KCNJ15: variants seen among roughly 807,000 people sequenced by gnomAD.
The protein encoded by KCNJ15 is potassium inwardly rectifying channel subfamily J member 15, also known as ATP-sensitive inward rectifier potassium channel 15.
Under a neutral mutation model 23.0 loss-of-function variants are expected in KCNJ15, and 14 were observed. The ratio of observed to expected loss-of-function variants is 0.61; its 90% confidence interval spans 0.40 to 0.95. KCNJ15 has a LOEUF of 0.95. Ranked by LOEUF, KCNJ15 falls within the 40% of genes least tolerant of loss-of-function variation. The probability of loss-of-function intolerance (pLI) is 0.00; values close to 1 mark genes in which losing one functional copy is unlikely to be tolerated. For missense variants in KCNJ15, 388 were observed against 461.8 expected, an observed-to-expected ratio of 0.84 and a Z score of 1.46; for synonymous variants, 185 against 183.2, an observed-to-expected ratio of 1.01 and a Z score of -0.08.
chr21:38,263,268 A>T (rs1981115053), intron 1 of KCNJ15, among the ~76,000 whole-genome samples: 1 of 152,114 alleles, frequency 6.6e-6, no homozygotes, highest in Non-Finnish European at 1.5e-5. Flanking sequence ...GAGTCAGGGG[A>T]CAGGGGTGAT....
rs567626362 is a variant in KCNJ15, at chr21:38,230,019, T to G, written c.-398-27027T>G. 2.1e-4 allele frequency among the ~76,000 whole-genome samples: 32 copies of G among 152,338 alleles called. No homozygotes were observed. In the East Asian group the frequency reaches 5.8e-3, roughly 28 times the overall value. ...GAACATTCATGCACAAATTTTTATG[T>G]GGAGGTATGTTTTTATTTCTCTTGG... On this transcript the variant is annotated intron_variant, in intron 1 of 4. Coordinates refer to the KCNJ15 transcript ENST00000547341.
At chr21:38,238,415 C>T (rs1978764417) in intron 1 of KCNJ15, 1 of 691,768 alleles carries the variant, frequency 1.4e-6, no homozygotes, top group South Asian at 1.4e-5. Flanking sequence ...GGAATGTAGA[C>T]AGGGTGGACG....
intron 1 of KCNJ15, among the ~76,000 whole-genome samples, chr21:38,278,419 A>G (rs1847761475): frequency 6.6e-6 from 1 of 152,190 alleles, no homozygotes. Context: ...TTTTACCAGC[A>G]TTACTCTGAA....
chr21:38,256,104 G>A (rs1980204797), upstream of KCNJ15, among the ~76,000 whole-genome samples: 1 of 152,054 alleles, frequency 6.6e-6, no homozygotes, highest in Non-Finnish European at 1.5e-5. Flanking sequence ...ATGAGCCTTG[G>A]ACGGGCCTCC....
rs754514580 is a variant in KCNJ15, at chr21:38,306,724, C to G, written c.*6335C>G. 2.0e-5 allele frequency: 3 copies of G among 152,126 alleles called. No individual in the cohort carries two copies. The highest frequency in any genetic ancestry group is 4.4e-5 in the Non-Finnish European group (3 of 68,032). The allele number at this position is 152,126 out of a possible 1,614,324, so 9.4% of individuals were successfully genotyped here. A position where few individuals can be genotyped will look rare whatever the true frequency, so the allele number is the denominator to read the frequency against. ...CAGCCAGGAGAGGAAGGATAGCAGCCGACTTGGATCCATTTTTGAGGAATT... is the reference window on the plus strand; with the variant it reads ...CAGCCAGGAGAGGAAGGATAGCAGCGGACTTGGATCCATTTTTGAGGAATT... On this transcript the variant is annotated 3_prime_UTR_variant, in exon 3 of 3. Coordinates refer to ENST00000398938, the MANE Select transcript of KCNJ15 (RefSeq NM_170736.3).
chr21:38,242,041 C>T (rs1166523196), intron 1 of KCNJ15, among the ~76,000 whole-genome samples: 14 of 151,406 alleles, frequency 9.2e-5, no homozygotes, highest in Admixed American at 7.9e-4. Flanking sequence ...GTCCCAGAGT[C>T]GGTGTTTGAA....
chr21:38,291,025 CGT>C (rs1984557721), intron 1 of KCNJ15, among the ~76,000 whole-genome samples: 1 of 150,938 alleles, frequency 6.6e-6, no homozygotes, highest in African/African-American at 2.4e-5. Context: ...CACACACACA[CGT>C]ATATATAGCT....
At chr21:38,253,231 T>A (rs1568987808), upstream of KCNJ15, among the ~76,000 whole-genome samples, 1 of 152,176 alleles carries the variant, frequency 6.6e-6, no homozygotes, top group Non-Finnish European at 1.5e-5. Flanking sequence ...ATAAATTGCC[T>A]GCGCATTTTT....
intron 1 of KCNJ15, among the ~76,000 whole-genome samples, chr21:38,269,638 G>A (rs1394245344): frequency 6.6e-6 from 1 of 152,168 alleles, no homozygotes; most frequent in African/African-American, 2.4e-5. Context: ...AAAAAGCACC[G>A]ACCTCAGTGG....
chr21:38,290,995 A>AACACACACACAC (rs57018976), intron 1 of KCNJ15, among the ~76,000 whole-genome samples: 2,247 of 127,218 alleles, frequency 0.018, 59 homozygotes, highest in African/African-American at 0.059. Flanking sequence ...AAAAAGGCTA[A>AACACACACACAC]ACACACACAC....
chr21:38,271,339 G>T (rs1355142816), intron 1 of KCNJ15, among the ~76,000 whole-genome samples: 1 of 152,198 alleles, frequency 6.6e-6, no homozygotes, highest in African/African-American at 2.4e-5. Context: ...ACACAGAAGA[G>T]CTTGTTCTCC....
rs190408501 is a variant in KCNJ15 at position 38,306,042 on chromosome 21, A to G, written c.*5653A>G. ...TTCCCTGGGGCATCACCCTAGAAGGATGGGCTCAAAGTCGCCCTCCACGTG... is the reference window on the plus strand; with the variant it reads ...TTCCCTGGGGCATCACCCTAGAAGGGTGGGCTCAAAGTCGCCCTCCACGTG... On this transcript the variant is annotated 3_prime_UTR_variant, in exon 3 of 3. Coordinates refer to ENST00000398938, the MANE Select transcript of KCNJ15 (RefSeq NM_170736.3). 1 of 152,210 alleles carries G rather than the reference A, an allele frequency of 6.6e-6. No individual in the cohort carries two copies. The highest frequency in any genetic ancestry group is 1.5e-5 in the Non-Finnish European group (1 of 68,054). The allele number at this position is 152,210 out of a possible 1,614,324, so 9.4% of individuals were successfully genotyped here. A position where few individuals can be genotyped will look rare whatever the true frequency, so the allele number is the denominator to read the frequency against.
chr21:38,285,373 C>T (rs779303206), intron 1 of KCNJ15, among the ~76,000 whole-genome samples: 13 of 152,094 alleles, frequency 8.5e-5, no homozygotes, highest in Non-Finnish European at 1.5e-4. Flanking sequence ...TTTTATTTCA[C>T]GTGACCCTAT....
At chr21:38,259,159 C>A (rs1243746559) in intron 1 of KCNJ15, among the ~76,000 whole-genome samples, 1 of 152,166 alleles carries the variant, frequency 6.6e-6, no homozygotes, top group Non-Finnish European at 1.5e-5. Context: ...CATGTCAAAT[C>A]TTTGGAATAT....
Position 38,305,092 on chromosome 21 carries a change from A to AAAAAAAG in KCNJ15, c.*4708_*4709insAGAAAAA, listed in dbSNP as rs1555886964. 1 of 150,188 alleles carries AAAAAAAG rather than the reference A, an allele frequency of 6.7e-6. No individual in the cohort carries two copies. Among genetic ancestry groups the AAAAAAAG allele is most frequent in the Non-Finnish European group, 1.5e-5 (1 of 67,916 alleles). 9.3% of individuals were successfully genotyped at this position (150,188 alleles called of 1,614,324 possible). A position where few individuals can be genotyped will look rare whatever the true frequency, so the allele number is the denominator to read the frequency against. The stretch of plus-strand genomic sequence containing the variant: ...TAAAACTCCGTCTCAAAAAAAAAAA[A>AAAAAAAG]AAAAAGAAAAAGAAAAAGAAAAGAA... On this transcript the variant is annotated 3_prime_UTR_variant, in exon 3 of 3. Transcript: ENST00000398938.
rs368294405 is a variant in KCNJ15 at position 38,286,409 on chromosome 21, T to C, written c.-116-10517T>C. Among the ~76,000 whole-genome samples the C allele has an allele frequency of 2.8e-4, 43 of 152,338 alleles. No individual in the cohort carries two copies. The South Asian group carries it at 3.5e-3, about 12-fold the overall frequency. On this transcript the variant is annotated intron_variant, in intron 1 of 2. Transcript: ENST00000398938. ...TGTCAGAAGAAACTGTACCATTACT[T>C]CTAGAGTAGAAGATGTTGGAATGTC...
intron 1 of KCNJ15, among the ~76,000 whole-genome samples, chr21:38,245,310 C>A (rs1343391100): frequency 6.6e-6 from 1 of 151,918 alleles, no homozygotes; most frequent in Non-Finnish European, 1.5e-5. Context: ...GGCCCCACCC[C>A]AGACCAATGA....
intron 1 of KCNJ15, among the ~76,000 whole-genome samples, chr21:38,267,913 T>C (rs1300229628): frequency 6.6e-6 from 1 of 152,164 alleles, no homozygotes; most frequent in Non-Finnish European, 1.5e-5. Flanking sequence ...AAGTATATGC[T>C]TAGCTTGGAG....
intron 1 of KCNJ15, among the ~76,000 whole-genome samples, chr21:38,292,547 G>A (rs553768785): frequency 6.6e-6 from 1 of 152,154 alleles, no homozygotes; most frequent in East Asian, 1.9e-4. Flanking sequence ...AAGATAATTA[G>A]TCACCTTTTC....
Sources: gnomAD v4.1 joint callset for allele counts (sites outside exome capture counted in the v4.1 genomes callset) on GRCh38, gnomAD v4.1.1 for gene constraint, MANE v1.5 for transcripts, NCBI Gene and HGNC (gene_info 2026-07-23, HGNC 2026-07-21) for gene names.